MEGF11: variants seen among roughly 807,000 people sequenced by gnomAD.
MEGF11 encodes the protein multiple epidermal growth factor-like domains protein 11.
A neutral mutation model predicts 146.6 loss-of-function variants in MEGF11; 126 were observed. The observed-to-expected ratio is 0.86, with a 90% CI of 0.74 to 1.00. The LOEUF is 1.00. Ranked by LOEUF, MEGF11 falls within the 50% of genes least tolerant of loss-of-function variation. The pLI is 0.00. For missense variants in MEGF11, 1,509 were observed against 1,521.2 expected, an observed-to-expected ratio of 0.99 and a Z score of 0.13; for synonymous variants, 532 against 583.4, an observed-to-expected ratio of 0.91 and a Z score of 1.27.
At chr15:66,094,953 T>C (rs1173645417) in intron 4 of MEGF11, among the ~76,000 whole-genome samples, 2 of 152,086 alleles carry the variant, frequency 1.3e-5, no homozygotes, top group Non-Finnish European at 1.5e-5. Flanking sequence ...TTCTCACTTT[T>C]CCCCCCACCT....
At chr15:65,930,013 C>T in intron 11 of MEGF11, 130 bp from the exon 12 acceptor site, 9 of 887,182 alleles carry the variant, frequency 1.0e-5, no homozygotes, top group Non-Finnish European at 1.5e-5. Context: ...TTAGAACACA[C>T]ATTCCACACA....
At chr15:66,049,072 A>G (rs2084346530) in intron 5 of MEGF11, among the ~76,000 whole-genome samples, 1 of 152,164 alleles carries the variant, frequency 6.6e-6, no homozygotes, top group African/African-American at 2.4e-5. Context: ...GGAGGCAGCC[A>G]CAGTGCCCAA....
rs750762312 is a variant in MEGF11 at position 65,898,078 on chromosome 15, C to T, written c.3279G>A (p.Val1093=). 1.9e-6 allele frequency: 3 copies of T among 1,613,362 alleles called. No individual in the cohort carries two copies. The highest frequency in any genetic ancestry group is 4.5e-5 in the East Asian group (2 of 44,874). Residue 1093 remains valine, a synonymous_variant, in exon 26 of 26, where the codon GTG becomes GTA. Transcript: ENST00000395614. The part of the protein sequence containing the change: ...NIYEVEPTVS[V]VQEGCGHNSS... ...AGTTATGACCGCAACCTTCTTGGAC[C>T]ACACTGACTGTGGGCTCTAAGAAAT... is the stretch of plus-strand genomic sequence containing the variant.
chr15:66,093,017 C>T (rs1179518777), intron 5 of MEGF11, among the ~76,000 whole-genome samples: 2 of 152,218 alleles, frequency 1.3e-5, no homozygotes, highest in African/African-American at 4.8e-5. Flanking sequence ...TGGACATCTT[C>T]CTTTATTTAG....
chr15:66,088,323 A>G (rs2086193313), intron 5 of MEGF11, among the ~76,000 whole-genome samples: 1 of 152,246 alleles, frequency 6.6e-6, no homozygotes, highest in Admixed American at 6.5e-5. Flanking sequence ...TTCATTCTAA[A>G]GCCAGCATCA....
chr15:65,904,742 A>G (rs900976861), intron 24 of MEGF11, among the ~76,000 whole-genome samples: 3 of 152,158 alleles, frequency 2.0e-5, no homozygotes, highest in Non-Finnish European at 4.4e-5. Context: ...CTCTTCACAC[A>G]TGCAGATTCC....
rs141206405 is a variant in MEGF11, at chr15:66,168,158, G to A, written c.-8-39747C>T. ...GATGGAGCAACCTCACCTCCAGCTC[G>A]TCTTCTCCTTGCTCACCACATTCCA... On this transcript the variant is annotated intron_variant, in intron 1 of 25. Transcript: ENST00000395614. 2.2e-4 allele frequency among the ~76,000 whole-genome samples: 33 copies of A among 152,020 alleles called. 1 individual carries two copies. In the East Asian group the frequency reaches 6.4e-3, roughly 30 times the overall value.
intron 8 of MEGF11, among the ~76,000 whole-genome samples, chr15:65,965,617 T>TCTTTC (rs1567180159): frequency 2.4e-4 from 27 of 113,000 alleles, no homozygotes; most frequent in Non-Finnish European, 5.1e-4. Flanking sequence ...TTTTTTCTTT[T>TCTTTC]TTTTTTTTTT....
intron 5 of MEGF11, among the ~76,000 whole-genome samples, chr15:66,077,474 C>T (rs2085641825): frequency 6.6e-6 from 1 of 152,202 alleles, no homozygotes; most frequent in South Asian, 2.1e-4. Context: ...CGTGATATGG[C>T]TTTGCATTCT....
At chr15:65,964,479 C>G (rs11636921) in intron 9 of MEGF11, among the ~76,000 whole-genome samples, 9,553 of 151,924 alleles carry the variant, frequency 0.063, 419 homozygotes, top group Non-Finnish European at 0.092. Context: ...TGCCCTGGTG[C>G]CCGTGTCTCT....
intron 1 of MEGF11, among the ~76,000 whole-genome samples, chr15:66,240,913 G>A (rs1389242654): frequency 2.0e-5 from 3 of 152,206 alleles, no homozygotes; most frequent in African/African-American, 7.2e-5. Context: ...GTATGTATTA[G>A]ATGTTTGAAA....
chr15:65,992,717 G>A (rs1247860146), intron 5 of MEGF11, among the ~76,000 whole-genome samples: 1 of 151,004 alleles, frequency 6.6e-6, no homozygotes, highest in South Asian at 2.1e-4. Context: ...ACAGTATTGT[G>A]TGGACAGATA....
chr15:65,964,984 C>T lies in MEGF11; in HGVS notation c.1036G>A (p.Glu346Lys). 4 of 1,568,822 alleles carry T rather than the reference C, an allele frequency of 2.5e-6. No individual in the cohort carries two copies. Among genetic ancestry groups the T allele is most frequent in the East Asian group, 2.4e-5 (1 of 42,232 alleles). ...TGCAGGCCCTCCGGGCACAGTCGCT[C>T]CTGGCAGCGTGGGCCCTTGTAGCCA... ...EPGYKGPRCQ[E>K]RLCPEGLHGP... Residue 346 changes from glutamate to lysine, a missense_variant, in exon 9 of 26, where the codon GAG becomes AAG. Transcript: ENST00000395614.
chr15:66,068,584 G>T (rs1352451360), intron 5 of MEGF11, among the ~76,000 whole-genome samples: 1 of 152,216 alleles, frequency 6.6e-6, no homozygotes. Context: ...TAGTGGCAGA[G>T]CTGGGATTCA....
At chr15:66,162,226 G>A (rs565231253) in intron 1 of MEGF11, among the ~76,000 whole-genome samples, 2 of 152,268 alleles carry the variant, frequency 1.3e-5, no homozygotes, top group East Asian at 1.9e-4. Flanking sequence ...GGACAATCAG[G>A]CAATTTTTAA....
At chr15:66,233,374 T>C (rs1003915437) in intron 1 of MEGF11, among the ~76,000 whole-genome samples, 5 of 152,168 alleles carry the variant, frequency 3.3e-5, no homozygotes, top group Non-Finnish European at 7.3e-5. Context: ...TAGCTGGGAT[T>C]ACAGGTGCCC....
intron 4 of MEGF11, among the ~76,000 whole-genome samples, chr15:66,100,655 C>A (rs1246660749): frequency 6.6e-6 from 1 of 152,136 alleles, no homozygotes; most frequent in Non-Finnish European, 1.5e-5. Context: ...CACATGGGAA[C>A]CTCACTATGT....
intron 7 of MEGF11, among the ~76,000 whole-genome samples, chr15:65,973,130 A>T (rs1319193460): frequency 1.3e-5 from 2 of 152,016 alleles, no homozygotes; most frequent in African/African-American, 4.8e-5. Flanking sequence ...AAAAAAAAAA[A>T]AAAGAATTAC....
chr15:66,071,901 C>T (rs573033099), intron 5 of MEGF11, among the ~76,000 whole-genome samples: 1 of 152,306 alleles, frequency 6.6e-6, no homozygotes, highest in East Asian at 1.9e-4. Flanking sequence ...CACACGTGCC[C>T]ACCCAGCATC....
Sources: allele counts gnomAD v4.1 joint callset (sites outside exome capture counted in the v4.1 genomes callset), GRCh38; gene constraint gnomAD v4.1.1; transcripts MANE v1.5; gene names NCBI Gene and HGNC (gene_info 2026-07-23, HGNC 2026-07-21).